Variants in FMN2 observed in about 807,000 individuals in gnomAD.
The protein encoded by FMN2 is formin-2.
In FMN2, 51 loss-of-function variants were observed where a neutral mutation model predicts 142.3. The ratio of observed to expected loss-of-function variants is 0.36; its 90% CI spans 0.29 to 0.45. The LOEUF is 0.45. Among genes scored for constraint, FMN2 ranks in the 20% least tolerant of loss-of-function variants. FMN2 has a pLI of 1.00. For missense variants in FMN2, 1,936 were observed against 2,122.8 expected (o/e 0.91, Z 1.73); for synonymous variants, 882 against 869.8 (o/e 1.01, Z -0.25).
intron 8 of FMN2, among the ~76,000 whole-genome samples, chr1:240,316,238 G>C (rs1433913890): frequency 1.3e-5 from 2 of 151,962 alleles, no homozygotes; most frequent in South Asian, 4.1e-4. Flanking sequence ...TTGCTGAAAA[G>C]GCAACAAGGA....
intron 2 of FMN2, among the ~76,000 whole-genome samples, chr1:240,171,684 T>C (rs1664707876): frequency 6.6e-6 from 1 of 152,208 alleles, no homozygotes; most frequent in African/African-American, 2.4e-5. Context: ...CTTTGAGCAT[T>C]GTTATTTTCT....
chr1:240,389,298 G>A (rs1466456924), intron 14 of FMN2, among the ~76,000 whole-genome samples: 2 of 152,162 alleles, frequency 1.3e-5, no homozygotes, highest in East Asian at 3.9e-4. Context: ...TGTACTTCTA[G>A]AAAACAATAC....
intron 14 of FMN2, among the ~76,000 whole-genome samples, chr1:240,371,975 C>T (rs1339143474): frequency 6.6e-6 from 1 of 152,120 alleles, no homozygotes; most frequent in Non-Finnish European, 1.5e-5. Context: ...GTGGCTCATG[C>T]CTGTAATCCC....
At chr1:240,197,733 C>T (rs1665968179) in intron 4 of FMN2, among the ~76,000 whole-genome samples, 1 of 148,314 alleles carries the variant, frequency 6.7e-6, no homozygotes, top group Non-Finnish European at 1.5e-5. Context: ...CCTGTACCCT[C>T]AGATGCACTT....
At position 240,391,810 on chromosome 1, in the gene FMN2, A is replaced by G. The variant is rs550291995; in HGVS notation, c.4859-701A>G. ...GAAGGTGAAGTAGTACATAATTCCT[A>G]GAATGCTTACTTGTCAAAAAAAAAA... On this transcript the variant is annotated intron_variant, in intron 14 of 17. Coordinates refer to ENST00000319653, the MANE Select transcript of FMN2 (RefSeq NM_020066.5). Among the ~76,000 whole-genome samples the G allele has an allele frequency of 1.9e-3, 274 of 144,482 alleles. 1 individual carries two copies. Among genetic ancestry groups the G allele is most frequent in the Middle Eastern group, 7.1e-3 (2 of 282 alleles). 94.8% of individuals were successfully genotyped at this position (144,482 alleles called of 152,430 possible). A position where few individuals can be genotyped will look rare whatever the true frequency, so the allele number is the denominator to read the frequency against.
intron 6 of FMN2, among the ~76,000 whole-genome samples, chr1:240,225,935 C>T (rs964398324): frequency 3.3e-5 from 5 of 151,938 alleles, no homozygotes; most frequent in Admixed American, 2.0e-4. Flanking sequence ...ATTTAACGAT[C>T]GATTAGTGGT....
intron 1 of FMN2, among the ~76,000 whole-genome samples, chr1:240,105,742 C>T (rs1661583844): frequency 2.0e-5 from 3 of 152,070 alleles, no homozygotes; most frequent in African/African-American, 7.2e-5. Flanking sequence ...GAAATGTTTT[C>T]AGTATCTATC....
rs370415981 is a variant in FMN2 at position 240,355,865 on chromosome 1, T to C, written c.4815T>C (p.His1605=). The C allele has an allele frequency of 1.0e-5, 16 of 1,587,788 alleles. No individual in the cohort carries two copies. The highest frequency in any genetic ancestry group is 1.4e-5 in the Non-Finnish European group (16 of 1,166,166). ...GKVYQVSSKE[H]MQPFKENMEQ... ...TATACCAGGTCTCCTCAAAAGAGCA[T>C]ATGCAGCCTTTCAAGGAAAACATGG... Residue 1605 remains histidine (H), a synonymous_variant, in exon 14 of 18, where the codon CAT becomes CAC. Transcript: ENST00000319653.
intron 14 of FMN2, 118 bp downstream of exon 14, chr1:240,356,026 A>C: frequency 1.5e-6 from 1 of 676,934 alleles, no homozygotes; most frequent in Non-Finnish European, 2.4e-6. Flanking sequence ...TTGCTTTAAA[A>C]GGGCTTATTT....
intron 15 of FMN2, among the ~76,000 whole-genome samples, chr1:240,404,053 G>T (rs944635203): frequency 6.6e-6 from 1 of 152,154 alleles, no homozygotes; most frequent in Non-Finnish European, 1.5e-5. Context: ...TATAACAAAT[G>T]AGTTGAAATG....
chr1:240,281,821 A>T (rs1403350145), intron 7 of FMN2, among the ~76,000 whole-genome samples: 1 of 152,144 alleles, frequency 6.6e-6, no homozygotes, highest in African/African-American at 2.4e-5. Flanking sequence ...TTATACACTG[A>T]CTGCTGGTTT....
chr1:240,306,008 GAC>G (rs1441933482), intron 8 of FMN2, among the ~76,000 whole-genome samples: 1 of 149,554 alleles, frequency 6.7e-6, no homozygotes, highest in Non-Finnish European at 1.5e-5. Flanking sequence ...GGAGTGCGGT[GAC>G]GTGATCTCGG....
rs540498306 is a variant in FMN2, at chr1:240,170,799, C to T, written c.1783-7122C>T. On this transcript the variant is annotated intron_variant, in intron 2 of 17. Transcript: ENST00000319653. ...GAGTTGGATTGACAGTTATCGTGGG[C>T]GGTAAAGTGGCTGGTGCATCCCGGA... 1,982 of 975,344 alleles carry T rather than the reference C, an allele frequency of 2.0e-3. 1 individual carries two copies. Among genetic ancestry groups the T allele is most frequent in the Non-Finnish European group, 2.9e-3 (1,720 of 598,900 alleles). 60.4% of individuals were successfully genotyped at this position (975,344 alleles called of 1,614,324 possible). A position where few individuals can be genotyped will look rare whatever the true frequency, so the allele number is the denominator to read the frequency against.
intron 13 of FMN2, among the ~76,000 whole-genome samples, chr1:240,349,552 A>G (rs928079918): frequency 3.3e-5 from 5 of 151,918 alleles, no homozygotes; most frequent in African/African-American, 1.2e-4. Flanking sequence ...GTGGCATGTC[A>G]TGTCCTTGCT....
At chr1:240,444,512 A>T (rs144231998) in intron 16 of FMN2, among the ~76,000 whole-genome samples, 5 of 151,318 alleles carry the variant, frequency 3.3e-5, no homozygotes, top group Non-Finnish European at 5.9e-5. Flanking sequence ...AGTAAGGGTT[A>T]TGTTTAAAGT....
In FMN2 at chr1:240,468,206, A is replaced by ATATATGTGTGTGTGTG. The variant is rs374934885; in HGVS notation, c.5061-4165_5061-4164insATATGTGTGTGTGTGT. 5.0e-4 allele frequency among the ~76,000 whole-genome samples: 74 copies of ATATATGTGTGTGTGTG among 147,970 alleles called. 1 individual carries two copies. Among genetic ancestry groups the ATATATGTGTGTGTGTG allele is most frequent in the Non-Finnish European group, 8.8e-4 (59 of 66,956 alleles). Reference sequence around the variant, plus strand: ...AATGCATCCACTAAAATATATATATATGTGTGTGTGTGTGTGTGTGTGTGT... The same window carrying ATATATGTGTGTGTGTG: ...AATGCATCCACTAAAATATATATATATATATGTGTGTGTGTGTGTGTGTGTGTGTGTGTGTGTGTGT... On this transcript the variant is annotated intron_variant, in intron 16 of 17. Coordinates refer to ENST00000319653, the MANE Select transcript of FMN2 (RefSeq NM_020066.5).
intron 2 of FMN2, among the ~76,000 whole-genome samples, chr1:240,161,034 T>C (rs539999259): frequency 6.6e-6 from 1 of 152,344 alleles, no homozygotes; most frequent in African/African-American, 2.4e-5. Context: ...GCATGGCCTG[T>C]ATGCAGAAGC....
In FMN2 at chr1:240,334,117, A is replaced by G; in HGVS notation, c.4653A>G (p.Gly1551=). The G allele has an allele frequency of 6.3e-7, 1 of 1,596,198 alleles. No homozygotes were observed. Among genetic ancestry groups the G allele is most frequent in the Non-Finnish European group, 8.5e-7 (1 of 1,175,534 alleles). Residue 1551 remains glycine, a synonymous_variant, in exon 13 of 18, where the codon GGA becomes GGG. Transcript: ENST00000319653. ...GGTTTTTTGTTCATTAGGATGCTGG[A>G]AAAGAACAGTGCCTCTTTCCACTGC... ...YYLRNFDEDA[G]KEQCLFPLPE...
chr1:240,141,516 C>CGCCACCACACACAGCT (rs1477127972), intron 2 of FMN2, among the ~76,000 whole-genome samples: 1 of 151,794 alleles, frequency 6.6e-6, no homozygotes, highest in African/African-American at 2.4e-5. Flanking sequence ...TACAGGTGCC[C>CGCCACCACACACAGCT]GCCACCACAC....
Sources: allele counts gnomAD v4.1 joint callset (sites outside exome capture counted in the v4.1 genomes callset), GRCh38; gene constraint gnomAD v4.1.1; transcripts MANE v1.5; gene names NCBI Gene and HGNC (gene_info 2026-07-23, HGNC 2026-07-21).